The following DLG2 variants were observed in gnomAD, a reference collection of about 807,000 sequenced individuals.
DLG2 encodes discs large MAGUK scaffold protein 2.
In DLG2, 45 loss-of-function variants were observed where a neutral mutation model predicts 132.5. That is an observed-to-expected ratio of 0.34 (90% confidence interval 0.27 to 0.44). The LOEUF (loss-of-function observed/expected upper bound fraction) is 0.44, where lower values mean the gene tolerates loss of function less well. DLG2 is among the 20% of genes least tolerant of loss of function. The probability of loss-of-function intolerance (pLI) is 1.00; values close to 1 mark genes in which losing one functional copy is unlikely to be tolerated. For missense variants in DLG2, 1,045 were observed against 1,196.9 expected (o/e 0.87, Z 1.87); for synonymous variants, 424 against 419.6 (o/e 1.01, Z -0.13).
chr11:83,455,032 G>A (rs1406069525), downstream of DLG2: 1 of 152,506 alleles, frequency 6.6e-6, no homozygotes, highest in African/African-American at 2.4e-5. Context: ...AGTATAAAAT[G>A]TTTTAATATT....
At chr11:84,982,153 T>C (rs1021691933) in intron 6 of DLG2, among the ~76,000 whole-genome samples, 6 of 152,140 alleles carry the variant, frequency 3.9e-5, no homozygotes, top group Non-Finnish European at 7.4e-5. Flanking sequence ...CAAGCTCTTC[T>C]TACTCTATAT....
intron 12 of DLG2, among the ~76,000 whole-genome samples, chr11:83,968,975 C>T (rs2514160): frequency 0.17 from 26,281 of 152,022 alleles, 3,352 homozygotes; most frequent in African/African-American, 0.34. Context: ...AGAAATAACA[C>T]GATAATAATA....
chr11:83,845,584 G>A (rs1252546907), intron 16 of DLG2, among the ~76,000 whole-genome samples: 2 of 152,176 alleles, frequency 1.3e-5, no homozygotes, highest in Non-Finnish European at 2.9e-5. Flanking sequence ...GTCATCATAA[G>A]GGGGGATCTA....
chr11:84,632,890 G>A (rs1409200188), intron 6 of DLG2, among the ~76,000 whole-genome samples: 1 of 151,998 alleles, frequency 6.6e-6, no homozygotes, highest in African/African-American at 2.4e-5. Context: ...GGGTAATAAG[G>A]GTCTTTCCTA....
chr11:83,639,272 A>G (rs1284126506), intron 18 of DLG2, among the ~76,000 whole-genome samples: 2 of 152,180 alleles, frequency 1.3e-5, no homozygotes, highest in Admixed American at 1.3e-4. Context: ...TGATTGCCAG[A>G]TAAGAGGAAG....
At chr11:84,415,292 G>A (rs770101615) in intron 7 of DLG2, among the ~76,000 whole-genome samples, 6 of 152,154 alleles carry the variant, frequency 3.9e-5, no homozygotes, top group African/African-American at 1.4e-4. Context: ...ATCACAGGGT[G>A]TTAAGAATCA....
chr11:85,534,024 G>A (rs1009035399), intron 3 of DLG2, among the ~76,000 whole-genome samples: 1 of 152,230 alleles, frequency 6.6e-6, no homozygotes, highest in Middle Eastern at 3.4e-3. Flanking sequence ...GTCTCATTCT[G>A]TTGCCCAGGC....
intron 6 of DLG2, among the ~76,000 whole-genome samples, chr11:84,939,786 T>C (rs1000714153): frequency 2.0e-4 from 31 of 152,246 alleles, no homozygotes; most frequent in African/African-American, 4.8e-5. Context: ...TAGTATTCCA[T>C]TGTGTATATG....
At chr11:85,082,046 C>A (rs561994229) in intron 6 of DLG2, among the ~76,000 whole-genome samples, 2 of 152,058 alleles carry the variant, frequency 1.3e-5, no homozygotes, top group African/African-American at 4.8e-5. Flanking sequence ...TTGAACTTAA[C>A]CATTTAAAAA....
intron 6 of DLG2, among the ~76,000 whole-genome samples, chr11:85,009,509 C>A (rs1178891241): frequency 2.0e-5 from 3 of 151,864 alleles, no homozygotes; most frequent in Non-Finnish European, 4.4e-5. Context: ...CAAAATCAGA[C>A]AAATAAGAGA....
intron 6 of DLG2, among the ~76,000 whole-genome samples, chr11:84,575,583 G>A (rs921643199): frequency 1.5e-4 from 23 of 152,012 alleles, no homozygotes; most frequent in Non-Finnish European, 2.9e-4. Context: ...TATTTATGGG[G>A]TACATGTGAT....
At chr11:84,300,860 A>T (rs923647636) in intron 7 of DLG2, among the ~76,000 whole-genome samples, 3 of 152,238 alleles carry the variant, frequency 2.0e-5, no homozygotes, top group Admixed American at 6.5e-5. Context: ...AAATGGGGGA[A>T]TCATAAATTG....
chr11:84,943,243 T>C (rs2049727211), intron 6 of DLG2, among the ~76,000 whole-genome samples: 5 of 151,748 alleles, frequency 3.3e-5, no homozygotes, highest in Admixed American at 3.3e-4. Context: ...AAGAGTTTTG[T>C]CCACTTACAT....
intron 4 of DLG2, among the ~76,000 whole-genome samples, chr11:85,183,795 C>T (rs2079897018): frequency 6.6e-6 from 1 of 151,890 alleles, no homozygotes; most frequent in South Asian, 2.1e-4. Context: ...TTTCTAGGTT[C>T]ATTATCTTAG....
At chr11:84,339,100 C>T (rs1330579561) in intron 7 of DLG2, among the ~76,000 whole-genome samples, 6 of 152,094 alleles carry the variant, frequency 3.9e-5, no homozygotes, top group Non-Finnish European at 8.8e-5. Context: ...AGGGTTTTAG[C>T]GTTTCTTTTC....
chr11:84,525,557 A>G (rs1347636098), intron 7 of DLG2, among the ~76,000 whole-genome samples: 1 of 152,098 alleles, frequency 6.6e-6, no homozygotes, highest in Non-Finnish European at 1.5e-5. Flanking sequence ...AAGCTTATCT[A>G]TCTTTTACAT....
intron 8 of DLG2, among the ~76,000 whole-genome samples, chr11:84,224,015 T>A (rs1256225081): frequency 2.6e-5 from 4 of 152,178 alleles, no homozygotes; most frequent in Non-Finnish European, 5.9e-5. Flanking sequence ...GCCTCCAGGT[T>A]TATGGCAGAA....
At chr11:84,568,481 T>C (rs2154527321) in intron 6 of DLG2, among the ~76,000 whole-genome samples, 1 of 152,306 alleles carries the variant, frequency 6.6e-6, no homozygotes, top group Middle Eastern at 3.4e-3. Context: ...CACTGTAGCC[T>C]GGGAGACAGA....
chr11:85,233,777 G>C (rs1255794529), intron 4 of DLG2, among the ~76,000 whole-genome samples: 1 of 150,298 alleles, frequency 6.7e-6, no homozygotes, highest in Non-Finnish European at 1.5e-5. Context: ...CTTTTCTGGT[G>C]GTGGTGGCTG....
Sources: gnomAD v4.1 joint callset for allele counts (sites outside exome capture counted in the v4.1 genomes callset) on GRCh38, gnomAD v4.1.1 for gene constraint, MANE v1.5 for transcripts, NCBI Gene and HGNC (gene_info 2026-07-23, HGNC 2026-07-21) for gene names.